Variants in PEAK1 observed in about 807,000 individuals in gnomAD.
PEAK1 encodes the protein inactive tyrosine-protein kinase PEAK1.
Under a neutral mutation model 124.7 loss-of-function variants are expected in PEAK1, and 54 were observed. That is an observed-to-expected ratio of 0.43 (90% CI 0.35 to 0.54). The LOEUF is 0.54. Ranked by LOEUF, PEAK1 falls within the 20% of genes least tolerant of loss-of-function variation. The pLI is 0.01. For synonymous variants in PEAK1, 719 were observed against 760.0 expected, an observed-to-expected ratio of 0.95 and a Z score of 0.89; for missense variants, 2,046 against 2,134.5, an observed-to-expected ratio of 0.96 and a Z score of 0.82.
intron 2 of PEAK1, among the ~76,000 whole-genome samples, chr15:77,321,055 G>A (rs1367013909): frequency 6.6e-6 from 1 of 152,102 alleles, no homozygotes; most frequent in Non-Finnish European, 1.5e-5. Context: ...AATCCAGTCT[G>A]TCATTGTTGG....
intron 1 of PEAK1, among the ~76,000 whole-genome samples, chr15:77,378,207 TAC>T (rs72234046): frequency 0.3 from 43,588 of 145,708 alleles, 7,111 homozygotes; most frequent in Non-Finnish European, 0.37. Flanking sequence ...TATATATATA[TAC>T]ATAATCCCAT....
chr15:77,408,393 A>T (rs899006369), intron 1 of PEAK1, among the ~76,000 whole-genome samples: 3 of 84,406 alleles, frequency 3.6e-5, no homozygotes, highest in Non-Finnish European at 7.0e-5. Context: ...CACAGGGGGA[A>T]GGGTGGGAGG....
rs1317453993 is a variant in PEAK1, at chr15:77,407,900, TAC to T, written c.-666+12104_-666+12105del. Among the ~76,000 whole-genome samples the T allele has an allele frequency of 4.8e-5, 6 of 126,064 alleles. No homozygotes were observed. The East Asian group carries it at 6.4e-4, about 13-fold the overall frequency. The allele number at this position is 126,064 out of a possible 152,430, so 82.7% of individuals were successfully genotyped here. Reference sequence around the variant, plus strand: ...AAAGCATGATATATATATATATATATACACATATATATACACATATATACATA... The same window carrying T: ...AAAGCATGATATATATATATATATATACATATATATACACATATATACATA... On this transcript the variant is annotated intron_variant, in intron 1 of 9. Transcript: ENST00000682557.
At chr15:77,295,795 C>T (rs1481603591) in intron 2 of PEAK1, among the ~76,000 whole-genome samples, 1 of 152,166 alleles carries the variant, frequency 6.6e-6, no homozygotes, top group East Asian at 1.9e-4. Flanking sequence ...TATATCCACC[C>T]AGTTTCAACT....
intron 8 of PEAK1, among the ~76,000 whole-genome samples, chr15:77,146,956 A>G (rs376176009): frequency 1.2e-4 from 19 of 152,340 alleles, no homozygotes; most frequent in African/African-American, 4.3e-4. Context: ...CTAACAATCA[A>G]TATTAATGCC....
At chr15:77,350,923 A>G in intron 2 of PEAK1, 1 of 985,390 alleles carries the variant, frequency 1.0e-6, no homozygotes, top group Non-Finnish European at 1.2e-6. Context: ...CTCTATTTAG[A>G]GCAATTCACA....
chr15:77,234,819 A>G (rs576420376), intron 6 of PEAK1, among the ~76,000 whole-genome samples: 3 of 152,022 alleles, frequency 2.0e-5, no homozygotes, highest in Non-Finnish European at 4.4e-5. Context: ...AAAAATATAT[A>G]TATTTTTTTG....
At chr15:77,370,828 G>A (rs1261497491) in intron 1 of PEAK1, 2 of 737,888 alleles carry the variant, frequency 2.7e-6, no homozygotes, top group Non-Finnish European at 1.7e-6. Context: ...TCAGGAGTTC[G>A]AGACCATCCT....
intron 1 of PEAK1, chr15:77,419,462 T>G (rs960430902): frequency 2.0e-6 from 2 of 985,026 alleles, no homozygotes; most frequent in Non-Finnish European, 2.4e-6. Flanking sequence ...GTTCGCGGGC[T>G]CCCCAGCCGC....
intron 6 of PEAK1, among the ~76,000 whole-genome samples, chr15:77,208,544 T>C (rs1182697614): frequency 1.3e-5 from 2 of 152,178 alleles, no homozygotes; most frequent in Non-Finnish European, 2.9e-5. Context: ...AGGGCGAATA[T>C]TATGTTCATC....
intron 2 of PEAK1, among the ~76,000 whole-genome samples, chr15:77,344,154 G>A (rs999306757): frequency 7.2e-5 from 11 of 152,138 alleles, no homozygotes; most frequent in African/African-American, 2.2e-4. Context: ...AAGTGCAGTG[G>A]CGCCATCTCC....
At position 77,115,061 on chromosome 15, in the gene PEAK1, C is replaced by G; in HGVS notation, c.4336G>C (p.Glu1446Gln). 6.2e-7 allele frequency: 1 copy of G among 1,614,158 alleles called. No individual in the cohort carries two copies. Among genetic ancestry groups the G allele is most frequent in the South Asian group, 1.1e-5 (1 of 91,074 alleles). ...TTCTTGCTCATGACTCCCTGATTCT[C>G]TTTCTGGGATGATGCTGCTTCAGAA... ...PCSEAASSQK[E>Q]NQGVMSKKQR... The change falls in exon 10 of 10, where the codon GAG becomes CAG. Residue 1446 changes from glutamate to glutamine, a missense_variant. Transcript: ENST00000682557.
intron 9 of PEAK1, among the ~76,000 whole-genome samples, chr15:77,116,701 AATCT>A (rs34607835): frequency 0.35 from 50,319 of 145,436 alleles, 8,646 homozygotes; most frequent in East Asian, 0.41. Context: ...GAAATCAATC[AATCT>A]ATCTATCTAT....
chr15:77,371,518 ACCACC>A, intron 1 of PEAK1: 1 of 763,770 alleles, frequency 1.3e-6, no homozygotes, highest in Non-Finnish European at 1.6e-6. Flanking sequence ...TACCACCACC[ACCACC>A]ACCACCACCA....
chr15:77,270,617 C>T lies in PEAK1; in HGVS notation c.-275+13266G>A, dbSNP rs115858383. 5.1e-3 allele frequency among the ~76,000 whole-genome samples: 777 copies of T among 152,200 alleles called. 8 individuals are homozygous for T. Among genetic ancestry groups the T allele is most frequent in the African/African-American group, 0.017 (720 of 41,548 alleles). On this transcript the variant is annotated intron_variant, in intron 5 of 9. Transcript: ENST00000682557. ...AGGAGAACTACAAACCACTGCTCAA[C>T]GGCTAAGCTCATAGGCTTAGGATTG...
At chr15:77,136,973 G>C (rs1254651000) in intron 8 of PEAK1, among the ~76,000 whole-genome samples, 1 of 152,212 alleles carries the variant, frequency 6.6e-6, no homozygotes, top group Non-Finnish European at 1.5e-5. Flanking sequence ...CTAGGGACTT[G>C]GTGCCCTGTA....
chr15:77,351,736 T>C (rs1228528271), intron 2 of PEAK1: 3 of 985,234 alleles, frequency 3.0e-6, no homozygotes, highest in Non-Finnish European at 3.6e-6. Flanking sequence ...TTAACGAGAA[T>C]AGGGCACAGA....
At chr15:77,293,339 T>C (rs2063320556) in intron 2 of PEAK1, among the ~76,000 whole-genome samples, 3 of 152,246 alleles carry the variant, frequency 2.0e-5, no homozygotes. Flanking sequence ...CATTTTTTGA[T>C]ATATATGTCC....
intron 6 of PEAK1, among the ~76,000 whole-genome samples, chr15:77,248,530 A>T (rs946206832): frequency 2.0e-5 from 3 of 152,126 alleles, no homozygotes; most frequent in African/African-American, 7.2e-5. Flanking sequence ...ACTAGTAAGA[A>T]TCCTTATAAA....
Sources: gnomAD v4.1 joint callset for allele counts (sites outside exome capture counted in the v4.1 genomes callset) on GRCh38, gnomAD v4.1.1 for gene constraint, MANE v1.5 for transcripts, NCBI Gene and HGNC (gene_info 2026-07-23, HGNC 2026-07-21) for gene names.